CDH3: variants seen among roughly 807,000 people sequenced by gnomAD.
The protein encoded by CDH3 is cadherin-3.
CDH3 carries 54 observed loss-of-function variants against 82.0 expected under a neutral mutation model. The ratio of observed to expected loss-of-function variants is 0.66; its 90% confidence interval spans 0.53 to 0.83. The LOEUF (loss-of-function observed/expected upper bound fraction) is 0.83. Ranked by LOEUF, CDH3 falls within the 40% of genes least tolerant of loss-of-function variation. The pLI is 0.00. For synonymous variants in CDH3, 446 were observed against 437.9 expected, an observed-to-expected ratio of 1.02 and a Z score of -0.23; for missense variants, 1,054 against 1,084.6, an observed-to-expected ratio of 0.97 and a Z score of 0.40.
intron 13 of CDH3, among the ~76,000 whole-genome samples, chr16:68,693,090 C>T (rs1461971907): frequency 3.3e-5 from 5 of 152,056 alleles, no homozygotes; most frequent in African/African-American, 4.8e-5. Flanking sequence ...GGCAACAGGG[C>T]GAGACTCTGT....
chr16:68,711,492 C>A (rs531316479), intron 1 of CDH3, among the ~76,000 whole-genome samples: 1 of 152,286 alleles, frequency 6.6e-6, no homozygotes, highest in East Asian at 1.9e-4. Flanking sequence ...CAAGGTTACA[C>A]AGGTGAGGAA....
At chr16:68,650,473 G>T (rs1960206297) in intron 2 of CDH3, among the ~76,000 whole-genome samples, 1 of 152,104 alleles carries the variant, frequency 6.6e-6, no homozygotes, top group Non-Finnish European at 1.5e-5. Context: ...GGCTAATTTT[G>T]TATTTTTAGT....
intron 2 of CDH3, among the ~76,000 whole-genome samples, chr16:68,659,658 TG>T (rs1345539934): frequency 6.6e-6 from 1 of 151,124 alleles, no homozygotes; most frequent in Non-Finnish European, 1.5e-5. Flanking sequence ...TACTGTAGCC[TG>T]GGTAACAGAG....
At chr16:68,706,229 A>AGC (rs925889469) in intron 1 of CDH3, among the ~76,000 whole-genome samples, 5 of 152,150 alleles carry the variant, frequency 3.3e-5, no homozygotes, top group Non-Finnish European at 5.9e-5. Flanking sequence ...TGATTGGGAG[A>AGC]GCCAGATTTA....
At chr16:68,686,334 C>T (rs751264093) in intron 11 of CDH3, 16 of 923,088 alleles carry the variant, frequency 1.7e-5, no homozygotes, top group African/African-American at 6.6e-5. Flanking sequence ...TCTCTCCTTG[C>T]GGCGCTACAC....
intron 1 of CDH3, among the ~76,000 whole-genome samples, chr16:68,706,912 G>A (rs1331279536): frequency 6.6e-6 from 1 of 152,166 alleles, no homozygotes; most frequent in Non-Finnish European, 1.5e-5. Context: ...AGAGGCCCTT[G>A]CTGCCCAGTC....
chr16:68,685,637 C>G (rs1453853492), intron 11 of CDH3, among the ~76,000 whole-genome samples: 1 of 152,000 alleles, frequency 6.6e-6, no homozygotes, highest in African/African-American at 2.4e-5. Context: ...GAAACCCCGT[C>G]TCTACTAAAT....
chr16:68,700,928 C>A (rs1266491604), downstream of CDH3, among the ~76,000 whole-genome samples: 1 of 152,138 alleles, frequency 6.6e-6, no homozygotes, highest in Non-Finnish European at 1.5e-5. Flanking sequence ...GACAAAGCCG[C>A]CTCCTGCCTC....
chr16:68,677,060 C>G (rs562828465), intron 3 of CDH3, among the ~76,000 whole-genome samples: 1 of 152,188 alleles, frequency 6.6e-6, no homozygotes, highest in Admixed American at 6.5e-5. Flanking sequence ...TCTATACTTA[C>G]ATGTGTTACA....
At chr16:68,684,174 G>A (rs1207263304) in intron 9 of CDH3, among the ~76,000 whole-genome samples, 2 of 152,068 alleles carry the variant, frequency 1.3e-5, no homozygotes, top group Admixed American at 1.3e-4. Context: ...CGAGGCTGCA[G>A]TGAGCCATAA....
At chr16:68,685,926 G>A (rs1961399135) in intron 11 of CDH3, among the ~76,000 whole-genome samples, 1 of 152,230 alleles carries the variant, frequency 6.6e-6, no homozygotes, top group Non-Finnish European at 1.5e-5. Flanking sequence ...AGCACTTTGA[G>A]AGGCCTAGGC....
intron 13 of CDH3, 111 bp downstream of exon 13, chr16:68,692,037 TC>T: frequency 1.3e-6 from 1 of 774,984 alleles, no homozygotes; most frequent in Non-Finnish European, 2.1e-6. Context: ...GCCCGTCCAC[TC>T]CTTAAACATT....
chr16:68,652,421 C>A (rs190902877), intron 2 of CDH3, among the ~76,000 whole-genome samples: 2 of 152,092 alleles, frequency 1.3e-5, no homozygotes, highest in Non-Finnish European at 2.9e-5. Context: ...GAAGGCATTG[C>A]TTATGACAAG....
chr16:68,660,930 G>A (rs1960555590), intron 2 of CDH3, among the ~76,000 whole-genome samples: 1 of 147,814 alleles, frequency 6.8e-6, no homozygotes, highest in African/African-American at 2.5e-5. Context: ...CTGCACCCCA[G>A]CACTCCAGCC....
intron 8 of CDH3, among the ~76,000 whole-genome samples, chr16:68,681,658 C>T (rs561330291): frequency 4.6e-5 from 7 of 152,098 alleles, no homozygotes; most frequent in Non-Finnish European, 8.8e-5. Flanking sequence ...GCCAATATGG[C>T]GAAACCCCGT....
chr16:68,684,861 G>T, intron 10 of CDH3, 37 bp downstream of exon 10: 2 of 1,613,232 alleles, frequency 1.2e-6, no homozygotes, highest in South Asian at 1.1e-5. Flanking sequence ...AGCACGTACT[G>T]GTACAGTTGG....
chr16:68,696,244 C>T (rs1343671770), intron 15 of CDH3: 4 of 368,170 alleles, frequency 1.1e-5, no homozygotes, highest in South Asian at 4.4e-5. Context: ...CATGGCGAAA[C>T]CCCATCTCTA....
At chr16:68,663,942 A>C (rs1015910114) in intron 2 of CDH3, among the ~76,000 whole-genome samples, 1 of 149,778 alleles carries the variant, frequency 6.7e-6, no homozygotes, top group Non-Finnish European at 1.5e-5. Context: ...CTTTAGGTAT[A>C]TCTCCTAAAG....
intron 2 of CDH3, among the ~76,000 whole-genome samples, chr16:68,670,779 T>C (rs986275257): frequency 6.6e-6 from 1 of 152,170 alleles, no homozygotes; most frequent in African/African-American, 2.4e-5. Context: ...CAGCTTTAAA[T>C]AATACTGAAT....
Sources: gnomAD v4.1 joint callset for allele counts (sites outside exome capture counted in the v4.1 genomes callset) on GRCh38, gnomAD v4.1.1 for gene constraint, MANE v1.5 for transcripts, NCBI Gene and HGNC (gene_info 2026-07-23, HGNC 2026-07-21) for gene names.